The following BRAF variants were observed in gnomAD, a reference collection of about 807,000 sequenced individuals.
BRAF encodes serine/threonine-protein kinase B-raf.
Under a neutral mutation model 104.6 loss-of-function variants are expected in BRAF, and 16 were observed. The observed-to-expected ratio is 0.15, with a 90% CI of 0.10 to 0.23. The LOEUF is 0.23. BRAF is among the 10% of genes least tolerant of loss of function. BRAF has a pLI of 1.00. For missense variants in BRAF, 541 were observed against 937.3 expected, an observed-to-expected ratio of 0.58 and a Z score of 5.52; for synonymous variants, 310 against 341.6, an observed-to-expected ratio of 0.91 and a Z score of 1.02.
intron 8 of BRAF, among the ~76,000 whole-genome samples, chr7:140,791,289 G>C (rs1419198193): frequency 7.2e-5 from 11 of 152,154 alleles, no homozygotes; most frequent in Non-Finnish European, 1.6e-4. Flanking sequence ...ATGAAGTAAA[G>C]ATGACATTTC....
chr7:140,730,780 G>A (rs1795900908), intron 19 of BRAF: 1 of 150,912 alleles, frequency 6.6e-6, no homozygotes, highest in Non-Finnish European at 1.5e-5. Flanking sequence ...TTATGTGAAA[G>A]CTAAAGACTT....
chr7:140,727,401 C>G (rs574177528), intron 19 of BRAF, among the ~76,000 whole-genome samples: 1 of 152,152 alleles, frequency 6.6e-6, no homozygotes, highest in East Asian at 1.9e-4. Flanking sequence ...CCAGACTGGT[C>G]TCAAACTCCT....
chr7:140,762,744 G>A (rs1586058286), intron 14 of BRAF, among the ~76,000 whole-genome samples: 2 of 152,166 alleles, frequency 1.3e-5, no homozygotes, highest in East Asian at 1.9e-4. Context: ...CCTAGGCAGA[G>A]GACCCTGCGG....
chr7:140,759,477 C>A (rs551667770), intron 14 of BRAF, among the ~76,000 whole-genome samples: 2 of 152,340 alleles, frequency 1.3e-5, no homozygotes, highest in East Asian at 3.9e-4. Flanking sequence ...ACCTCTGCCT[C>A]CCGGGTTCAA....
intron 14 of BRAF, among the ~76,000 whole-genome samples, chr7:140,773,833 A>G (rs528563966): frequency 6.6e-6 from 1 of 152,326 alleles, no homozygotes; most frequent in East Asian, 1.9e-4. Context: ...GTCTAAGTCT[A>G]TGATCACTTT....
chr7:140,915,288 G>A (rs1313103377), intron 1 of BRAF, among the ~76,000 whole-genome samples: 2 of 151,850 alleles, frequency 1.3e-5, no homozygotes, highest in Non-Finnish European at 2.9e-5. Context: ...CTAATTCAAA[G>A]TATCCTAACA....
intron 7 of BRAF, among the ~76,000 whole-genome samples, chr7:140,797,457 C>T (rs1047629403): frequency 6.6e-6 from 1 of 151,140 alleles, no homozygotes; most frequent in African/African-American, 2.4e-5. Context: ...TAGTAACAAA[C>T]TGCAAAAGAG....
At chr7:140,832,223 T>C (rs1185023872) in intron 3 of BRAF, among the ~76,000 whole-genome samples, 1 of 152,244 alleles carries the variant, frequency 6.6e-6, no homozygotes, top group Non-Finnish European at 1.5e-5. Flanking sequence ...TTAAAAAACA[T>C]AATCTCATTC....
intron 14 of BRAF, among the ~76,000 whole-genome samples, chr7:140,762,880 CCT>C (rs1334197661): frequency 6.6e-6 from 1 of 152,160 alleles, no homozygotes; most frequent in Non-Finnish European, 1.5e-5. Context: ...TCCATTTAAC[CCT>C]GAGTGGACAC....
At chr7:140,799,906 C>CGG in intron 7 of BRAF, 1 of 299,944 alleles carries the variant, frequency 3.3e-6, no homozygotes, top group South Asian at 6.5e-5. Context: ...TCAAAATGAT[C>CGG]TGTTGCATGA....
At chr7:140,866,068 T>G (rs1810934159) in intron 1 of BRAF, among the ~76,000 whole-genome samples, 2 of 152,182 alleles carry the variant, frequency 1.3e-5, no homozygotes. Context: ...CAATTACTAT[T>G]CAAATGGGTT....
At chr7:140,732,170 C>CAAAAAAAAAA (rs61727494) in intron 19 of BRAF, 2 of 23,696 alleles carry the variant, frequency 8.4e-5, no homozygotes, top group Non-Finnish European at 2.7e-4. Context: ...GACTCTGTCT[C>CAAAAAAAAAA]AAAAAAAAAA....
intron 1 of BRAF, among the ~76,000 whole-genome samples, chr7:140,917,220 T>G (rs957773842): frequency 4.6e-5 from 7 of 151,980 alleles, no homozygotes; most frequent in African/African-American, 1.7e-4. Context: ...ACCACCATGC[T>G]CGGCTAATTT....
rs1373118422 is a variant in BRAF, at chr7:140,723,112, A to C, written c.*3382T>G. The C allele has an allele frequency of 1.9e-6, 2 of 1,050,870 alleles. No individual in the cohort carries two copies. Among genetic ancestry groups the C allele is most frequent in the Non-Finnish European group, 2.3e-6 (2 of 870,370 alleles). 65.1% of individuals were successfully genotyped at this position (1,050,870 alleles called of 1,614,324 possible). A position where few individuals can be genotyped will look rare whatever the true frequency, so the allele number is the denominator to read the frequency against. On this transcript the variant is annotated 3_prime_UTR_variant, in exon 20 of 20. Transcript: ENST00000644969. ...TTGTAGAGGTCACCTGAACCCTGCA[A>C]TGTGGTTTCGAACTAAAGCTAGAGA...
At chr7:140,731,169 C>T (rs1412143501) in intron 19 of BRAF, 1 of 152,146 alleles carries the variant, frequency 6.6e-6, no homozygotes, top group Non-Finnish European at 1.5e-5. Context: ...TTGTGCACCA[C>T]TATGCTTGGC....
chr7:140,720,999 TACAA>T lies in BRAF; in HGVS notation c.*5491_*5494del. 1 of 1,064,274 alleles carries T rather than the reference TACAA, an allele frequency of 9.4e-7. No individual in the cohort carries two copies. The highest frequency in any genetic ancestry group is 1.1e-6 in the Non-Finnish European group (1 of 878,750). 65.9% of individuals were successfully genotyped at this position (1,064,274 alleles called of 1,614,324 possible). ...CTGGCCGGGAGAAGCAGATGGTTTG[TACAA>T]ACATTTTTTGATACTACCATGAATA... On this transcript the variant is annotated 3_prime_UTR_variant, in exon 20 of 20. Coordinates refer to ENST00000644969, the MANE Select transcript of BRAF (RefSeq NM_001374258.1).
chr7:140,805,091 C>G (rs1160690704), intron 5 of BRAF, among the ~76,000 whole-genome samples: 1 of 152,172 alleles, frequency 6.6e-6, no homozygotes, highest in African/African-American at 2.4e-5. Context: ...AGCCACTGTG[C>G]CCAGCCAAAA....
chr7:140,826,993 C>G (rs73165470), intron 3 of BRAF, among the ~76,000 whole-genome samples: 2 of 152,282 alleles, frequency 1.3e-5, no homozygotes, highest in Non-Finnish European at 2.9e-5. Context: ...ATTAACTTAT[C>G]AAGGAGTCTA....
intron 1 of BRAF, among the ~76,000 whole-genome samples, chr7:140,881,661 T>C (rs572694588): frequency 2.0e-4 from 31 of 152,346 alleles, no homozygotes; most frequent in African/African-American, 7.0e-4. Flanking sequence ...CTTTTTGACA[T>C]GCCTTCTTCA....
Sources: gnomAD v4.1 joint callset for allele counts (sites outside exome capture counted in the v4.1 genomes callset) on GRCh38, gnomAD v4.1.1 for gene constraint, MANE v1.5 for transcripts, NCBI Gene and HGNC (gene_info 2026-07-23, HGNC 2026-07-21) for gene names.